MSI2: variants seen among roughly 807,000 people sequenced by gnomAD.
MSI2 encodes the protein RNA-binding protein Musashi homolog 2.
A neutral mutation model predicts 45.6 loss-of-function variants in MSI2; 17 were observed. That is an observed-to-expected ratio of 0.37 (90% CI 0.26 to 0.56). The LOEUF (loss-of-function observed/expected upper bound fraction) is 0.56. Ranked by LOEUF, MSI2 falls within the 20% of genes least tolerant of loss-of-function variation. The pLI is 0.77. For synonymous variants in MSI2, 156 were observed against 158.2 expected (o/e 0.99, Z 0.11); for missense variants, 293 against 444.2 (o/e 0.66, Z 3.06).
At chr17:57,309,041 G>A (rs1489542890) in intron 5 of MSI2, among the ~76,000 whole-genome samples, 14 of 152,178 alleles carry the variant, frequency 9.2e-5, no homozygotes, top group Admixed American at 9.2e-4. Flanking sequence ...CACCTCCTCA[G>A]CTATTAGCTC....
At position 57,684,007 on chromosome 17, in the gene MSI2, G is replaced by A. The variant is rs1176906922; in HGVS notation, c.*4490G>A. The A allele has an allele frequency of 1.8e-5, 4 of 227,846 alleles. No homozygotes were observed. The highest frequency in any genetic ancestry group is 6.7e-5 in the African/African-American group (3 of 44,870). The allele number at this position is 227,846 out of a possible 1,614,324, so 14.1% of individuals were successfully genotyped here. On this transcript the variant is annotated 3_prime_UTR_variant, in exon 14 of 14. Transcript: ENST00000284073. Reference sequence around the variant, plus strand: ...AATAAAATCCATCCCTCTTGTCGGGGACCTGCAGGGGGGCAACCTTAATCC... The same window carrying A: ...AATAAAATCCATCCCTCTTGTCGGGAACCTGCAGGGGGGCAACCTTAATCC...
In MSI2 at chr17:57,299,349, G is replaced by A. The variant is rs115556516; in HGVS notation, c.312+37157G>A. On this transcript the variant is annotated intron_variant, in intron 5 of 13. Transcript: ENST00000284073. Reference sequence around the variant, plus strand: ...CTTGGCTGTATGGTGTAAGAGGCCTGGCTTTCAGCCTGTCTGGGCTTTTGA... The same window carrying A: ...CTTGGCTGTATGGTGTAAGAGGCCTAGCTTTCAGCCTGTCTGGGCTTTTGA... Among the ~76,000 whole-genome samples the A allele has an allele frequency of 5.7e-3, 866 of 152,344 alleles. 4 individuals are homozygous for A. Among genetic ancestry groups the A allele is most frequent in the African/African-American group, 0.02 (840 of 41,582 alleles).
intron 5 of MSI2, among the ~76,000 whole-genome samples, chr17:57,295,564 T>A (rs1910849519): frequency 6.6e-6 from 1 of 152,156 alleles, no homozygotes; most frequent in Non-Finnish European, 1.5e-5. Context: ...TGAAATAGGC[T>A]CTATCTGTTA....
At chr17:57,345,120 A>G (rs1172723034) in intron 5 of MSI2, among the ~76,000 whole-genome samples, 1 of 152,028 alleles carries the variant, frequency 6.6e-6, no homozygotes, top group Non-Finnish European at 1.5e-5. Flanking sequence ...TTTCTCTTGC[A>G]TCCGACAACC....
At chr17:57,690,967 A>C in the MSI2 span, among the ~76,000 whole-genome samples, 1 of 152,304 alleles carries the variant, frequency 6.6e-6, no homozygotes, top group East Asian at 1.9e-4. Flanking sequence ...ATTTTGAGTT[A>C]ACATTTATGT....
intron 5 of MSI2, chr17:57,285,816 T>G (rs1333579321): frequency 5.0e-6 from 7 of 1,398,172 alleles, no homozygotes; most frequent in Admixed American, 6.5e-5. Flanking sequence ...TCCTTGCCCG[T>G]CAGTTAGCCA....
At chr17:57,608,583 C>T (rs1156403804) in intron 8 of MSI2, among the ~76,000 whole-genome samples, 4 of 152,264 alleles carry the variant, frequency 2.6e-5, no homozygotes, top group African/African-American at 7.2e-5. Context: ...CCTGAGCCGT[C>T]GCTTGGCCCT....
chr17:57,572,354 CT>C (rs2087901178), intron 7 of MSI2, among the ~76,000 whole-genome samples: 1 of 152,228 alleles, frequency 6.6e-6, no homozygotes, highest in African/African-American at 2.4e-5. Flanking sequence ...AGAGTGAGGA[CT>C]TGCCATAGAA....
At chr17:57,673,671 G>A (rs1912990951) in intron 11 of MSI2, among the ~76,000 whole-genome samples, 1 of 152,150 alleles carries the variant, frequency 6.6e-6, no homozygotes, top group Admixed American at 6.5e-5. Flanking sequence ...TGGTTAACTG[G>A]TTGACAGGCT....
chr17:57,300,779 A>C (rs1274275435), intron 5 of MSI2, among the ~76,000 whole-genome samples: 2 of 152,230 alleles, frequency 1.3e-5, no homozygotes, highest in African/African-American at 4.8e-5. Flanking sequence ...CAAGTCAAGC[A>C]AAAGGGGTTT....
In MSI2 at chr17:57,679,668, A is replaced by C; in HGVS notation, c.*151A>C. 61 of 983,810 alleles carry C rather than the reference A, an allele frequency of 6.2e-5. No individual in the cohort carries two copies. The highest frequency in any genetic ancestry group is 4.4e-4 in the Middle Eastern group (1 of 2,258). 60.9% of individuals were successfully genotyped at this position (983,810 alleles called of 1,614,324 possible). A position where few individuals can be genotyped will look rare whatever the true frequency, so the allele number is the denominator to read the frequency against. ...TCCCCATCCCAACCAGAGATGGCTC[A>C]CTTCGGATCGAGGGTTGACTACATC... On this transcript the variant is annotated 3_prime_UTR_variant, in exon 14 of 14. Coordinates refer to ENST00000284073, the MANE Select transcript of MSI2 (RefSeq NM_138962.4).
chr17:57,268,453 C>T (rs66784924), intron 5 of MSI2: 4,503 of 151,708 alleles, frequency 0.03, 82 homozygotes, highest in Non-Finnish European at 0.035. Flanking sequence ...CCGGGGATTG[C>T]GTTAGGTACT....
chr17:57,571,759 A>G (rs556529968), intron 7 of MSI2, among the ~76,000 whole-genome samples: 12 of 152,348 alleles, frequency 7.9e-5, no homozygotes, highest in African/African-American at 2.9e-4. Context: ...GAGCACATCC[A>G]GACACTCCTC....
downstream of MSI2, among the ~76,000 whole-genome samples, chr17:57,685,063 G>T (rs1198814308): frequency 1.3e-5 from 2 of 152,162 alleles, no homozygotes; most frequent in African/African-American, 2.4e-5. Flanking sequence ...TATCAACAGT[G>T]CTGGGAGAAG....
At chr17:57,290,138 T>C (rs1340869393) in intron 5 of MSI2, among the ~76,000 whole-genome samples, 2 of 152,106 alleles carry the variant, frequency 1.3e-5, no homozygotes, top group African/African-American at 4.8e-5. Flanking sequence ...TTATTTAATC[T>C]CTCTGTGCTT....
At position 57,457,085 on chromosome 17, in the gene MSI2, CAT is replaced by C. The variant is rs1292955496; in HGVS notation, c.405+55615_405+55616del. On this transcript the variant is annotated intron_variant, in intron 6 of 13. Transcript: ENST00000284073. Reference sequence around the variant, plus strand: ...GATTAATTGGTTTTCAAGAGGGAAACATGTTCTTTCAGGACATAGGGTCTCTA... The same window carrying C: ...GATTAATTGGTTTTCAAGAGGGAAACGTTCTTTCAGGACATAGGGTCTCTA... 3.3e-5 allele frequency among the ~76,000 whole-genome samples: 5 copies of C among 152,306 alleles called. No homozygotes were observed. The East Asian group carries it at 9.6e-4, about 29-fold the overall frequency.
chr17:57,486,479 T>C (rs2085757092), intron 6 of MSI2, among the ~76,000 whole-genome samples: 1 of 152,198 alleles, frequency 6.6e-6, no homozygotes, highest in African/African-American at 2.4e-5. Context: ...ATGAAAGAAA[T>C]AGTGTTTATA....
intron 7 of MSI2, among the ~76,000 whole-genome samples, chr17:57,584,340 T>C (rs1164180176): frequency 6.6e-6 from 1 of 152,098 alleles, no homozygotes; most frequent in Non-Finnish European, 1.5e-5. Context: ...CACCCCCTGG[T>C]GAATTTAAGT....
rs559013497 is a variant in MSI2 at position 57,448,062 on chromosome 17, C to T, written c.405+46591C>T. 1.4e-4 allele frequency among the ~76,000 whole-genome samples: 22 copies of T among 152,248 alleles called. No homozygotes were observed. In the Middle Eastern group the frequency reaches 0.014, roughly 94 times the overall value. On this transcript the variant is annotated intron_variant, in intron 6 of 13. Transcript: ENST00000284073. ...GGAGATACATTTACAAGTTACTGAA[C>T]GGGAGGCAGGCAGGCATCTGTGTGC...
Sources: allele counts gnomAD v4.1 joint callset (sites outside exome capture counted in the v4.1 genomes callset), GRCh38; gene constraint gnomAD v4.1.1; transcripts MANE v1.5; gene names NCBI Gene and HGNC (gene_info 2026-07-23, HGNC 2026-07-21).